FGF12: variants seen among roughly 807,000 people sequenced by gnomAD.
FGF12 encodes fibroblast growth factor 12.
A neutral mutation model predicts 23.6 loss-of-function variants in FGF12; 14 were observed. That is an observed-to-expected ratio of 0.59 (90% CI 0.39 to 0.93). The LOEUF (loss-of-function observed/expected upper bound fraction) is 0.93, where lower values mean the gene tolerates loss of function less well. Among genes scored for constraint, FGF12 ranks in the 40% least tolerant of loss-of-function variants. The pLI is 0.00. For synonymous variants in FGF12, 62 were observed against 77.3 expected (o/e 0.80, Z 1.04); for missense variants, 175 against 217.8 (o/e 0.80, Z 1.24).
chr3:192,231,243 T>C (rs1444180181), intron 4 of FGF12, among the ~76,000 whole-genome samples: 2 of 152,064 alleles, frequency 1.3e-5, no homozygotes, highest in Non-Finnish European at 1.5e-5. Flanking sequence ...TTAAAATGCA[T>C]GGAAAATCTG....
chr3:192,247,982 C>T (rs929085669), intron 4 of FGF12, among the ~76,000 whole-genome samples: 2 of 152,136 alleles, frequency 1.3e-5, no homozygotes, highest in African/African-American at 4.8e-5. Context: ...GCTATCTGAC[C>T]CTTCAAGACT....
intron 5 of FGF12, among the ~76,000 whole-genome samples, chr3:192,168,114 C>T (rs945698518): frequency 1.3e-4 from 20 of 151,514 alleles, no homozygotes; most frequent in Admixed American, 7.9e-4. Context: ...ATATAAAGGG[C>T]ATTATCCGTA....
intron 4 of FGF12, among the ~76,000 whole-genome samples, chr3:192,298,933 T>C (rs769885339): frequency 6.6e-6 from 1 of 152,088 alleles, no homozygotes; most frequent in Non-Finnish European, 1.5e-5. Context: ...TCAGGTTCTT[T>C]TTAACACACA....
chr3:192,250,817 G>C (rs1454827164), intron 4 of FGF12, among the ~76,000 whole-genome samples: 2 of 151,884 alleles, frequency 1.3e-5, no homozygotes, highest in African/African-American at 4.8e-5. Flanking sequence ...AGACTAGAAA[G>C]GAAGGATCCA....
chr3:192,452,525 C>T (rs1390531330), intron 2 of FGF12, among the ~76,000 whole-genome samples: 1 of 152,156 alleles, frequency 6.6e-6, no homozygotes, highest in African/African-American at 2.4e-5. Flanking sequence ...TGATATGAGG[C>T]TGAAATTGCT....
chr3:192,217,381 C>T (rs756438499), intron 4 of FGF12, among the ~76,000 whole-genome samples: 6 of 152,148 alleles, frequency 3.9e-5, no homozygotes, highest in Non-Finnish European at 7.3e-5. Flanking sequence ...CCACTCTTTT[C>T]ACTTTGTACC....
At chr3:192,374,878 A>G (rs990975042) in intron 2 of FGF12, among the ~76,000 whole-genome samples, 2 of 152,248 alleles carry the variant, frequency 1.3e-5, no homozygotes, top group Non-Finnish European at 2.9e-5. Context: ...TTTAACAAAT[A>G]CTAGCATTTT....
At chr3:192,228,830 C>T (rs756051386) in intron 4 of FGF12, among the ~76,000 whole-genome samples, 26 of 152,116 alleles carry the variant, frequency 1.7e-4, no homozygotes, top group East Asian at 1.3e-3. Context: ...GAAATTATTC[C>T]GTACAACTTT....
At chr3:192,523,093 T>G (rs939994348) in intron 2 of FGF12, among the ~76,000 whole-genome samples, 28 of 152,232 alleles carry the variant, frequency 1.8e-4, no homozygotes, top group African/African-American at 6.5e-4. Context: ...GCTTTGATTT[T>G]TAAAACATAT....
intron 2 of FGF12, among the ~76,000 whole-genome samples, chr3:192,631,367 G>A (rs1322507938): frequency 6.6e-6 from 1 of 152,162 alleles, no homozygotes; most frequent in East Asian, 1.9e-4. Flanking sequence ...CTACTGGAAC[G>A]TAATGTCACT....
intron 4 of FGF12, among the ~76,000 whole-genome samples, chr3:192,176,712 C>CTTCT (rs1715882423): frequency 6.6e-6 from 1 of 152,106 alleles, no homozygotes; most frequent in African/African-American, 2.4e-5. Flanking sequence ...AATCTTTGTC[C>CTTCT]TTCTTTCAAT....
At chr3:192,261,837 G>A (rs1226645012) in intron 4 of FGF12, among the ~76,000 whole-genome samples, 1 of 152,140 alleles carries the variant, frequency 6.6e-6, no homozygotes, top group Non-Finnish European at 1.5e-5. Context: ...AATCTGAATT[G>A]TTCGTGCTTT....
intron 4 of FGF12, among the ~76,000 whole-genome samples, chr3:192,257,361 T>A (rs995312870): frequency 6.6e-6 from 1 of 152,138 alleles, no homozygotes; most frequent in African/African-American, 2.4e-5. Context: ...AGCCTGTCCA[T>A]CACCCAGATG....
intron 4 of FGF12, among the ~76,000 whole-genome samples, chr3:192,187,097 G>C (rs1165330960): frequency 6.6e-6 from 1 of 152,124 alleles, no homozygotes; most frequent in Admixed American, 6.5e-5. Flanking sequence ...CATCTCATCA[G>C]TTTAGCTTGT....
intron 4 of FGF12, among the ~76,000 whole-genome samples, chr3:192,181,922 C>A (rs1716202086): frequency 6.6e-6 from 1 of 151,772 alleles, no homozygotes. Context: ...CAGATAAGAA[C>A]TTTAAAACAG....
At chr3:192,448,672 G>A (rs1722432434) in intron 2 of FGF12, among the ~76,000 whole-genome samples, 1 of 152,120 alleles carries the variant, frequency 6.6e-6, no homozygotes, top group East Asian at 1.9e-4. Flanking sequence ...CTTCTGTATG[G>A]TCTTAGAAAA....
At chr3:192,316,259 A>G (rs1716223369) in intron 4 of FGF12, among the ~76,000 whole-genome samples, 1 of 152,196 alleles carries the variant, frequency 6.6e-6, no homozygotes, top group Admixed American at 6.5e-5. Flanking sequence ...GCAAGAATGA[A>G]TAACTACCTA....
chr3:192,538,627 C>A (rs890811303), intron 2 of FGF12, among the ~76,000 whole-genome samples: 12 of 152,056 alleles, frequency 7.9e-5, no homozygotes, highest in Admixed American at 2.0e-4. Context: ...GGGTCTTTTG[C>A]AGTTCTATAT....
At chr3:192,446,367 G>GTTAACCTAGGTTAACACA (rs1447888084) in intron 2 of FGF12, among the ~76,000 whole-genome samples, 19 of 152,200 alleles carry the variant, frequency 1.2e-4, no homozygotes, top group Non-Finnish European at 2.6e-4. Flanking sequence ...AACAATAGAT[G>GTTAACCTAGGTTAACACA]CAGGTTAAAC....
Sources: allele counts gnomAD v4.1 joint callset (sites outside exome capture counted in the v4.1 genomes callset), GRCh38; gene constraint gnomAD v4.1.1; transcripts MANE v1.5; gene names NCBI Gene and HGNC (gene_info 2026-07-23, HGNC 2026-07-21).